The following PTPN23 variants were observed in gnomAD, a reference collection of about 807,000 sequenced individuals.
The protein encoded by PTPN23 is protein tyrosine phosphatase non-receptor type 23.
In PTPN23, 72 loss-of-function variants were observed where a neutral mutation model predicts 156.3. That is an observed-to-expected ratio of 0.46 (90% CI 0.38 to 0.56). The LOEUF is 0.56. Among genes scored for constraint, PTPN23 ranks in the 20% least tolerant of loss-of-function variants. The pLI is 0.00. For missense variants in PTPN23, 1,974 were observed against 2,171.5 expected (o/e 0.91, Z 1.81); for synonymous variants, 957 against 899.6 (o/e 1.06, Z -1.14).
chr3:47,386,202 T>C (rs1288026541), intron 1 of PTPN23, among the ~76,000 whole-genome samples: 1 of 152,010 alleles, frequency 6.6e-6, no homozygotes, highest in Non-Finnish European at 1.5e-5. Flanking sequence ...TCTCGCTCTG[T>C]CACCCAGGCT....
rs989204745 is a variant in PTPN23 at position 47,407,517 on chromosome 3, C to T, written c.936C>T (p.Ala312=). The T allele has an allele frequency of 1.9e-6, 3 of 1,613,886 alleles. No homozygotes were observed. In the African/African-American group the frequency reaches 4.0e-5, roughly 22 times the overall value. ...MDVIGGKYNS[A]KKDNDFIYHE... ...TCCTGATCCCCAGGTACAATTCTGC[C>T]AAGAAGGACAACGACTTCATTTACC... The change falls in exon 12 of 25, where the codon GCC becomes GCT. Residue 312 remains alanine (A), a synonymous_variant. Transcript: ENST00000265562. The surrounding 1 kb of genome is among the most constrained non-coding windows in gnomAD (Gnocchi z 4.0).
chr3:47,410,013 G>A lies in PTPN23; in HGVS notation c.2215G>A (p.Gly739Arg). ...GGAGGAGAGTGAGGCAGTGGAAGCA[G>A]GAGACCCCCCTGAGGAGCTGCGCAG... ...RREESEAVEAGDPPEELRSLP... is the reference protein window; with the variant it reads ...RREESEAVEARDPPEELRSLP... Residue 739 changes from glycine to arginine, a missense_variant, in exon 20 of 25, where the codon GGA becomes AGA. This residue lies in a region of PTPN23 where 731 missense variants were observed against 669.1 expected (regional missense o/e 1.09). Transcript: ENST00000265562. 2 of 1,608,338 alleles carry A rather than the reference G, an allele frequency of 1.2e-6. No homozygotes were observed. Among genetic ancestry groups the A allele is most frequent in the South Asian group, 2.2e-5 (2 of 90,160 alleles).
intron 2 of PTPN23, among the ~76,000 whole-genome samples, chr3:47,399,399 C>G (rs1193747353): frequency 6.6e-6 from 1 of 152,032 alleles, no homozygotes; most frequent in Non-Finnish European, 1.5e-5. Flanking sequence ...GTGGGGAGAC[C>G]AAGCTTCTTC....
Position 47,405,286 on chromosome 3 carries a change from C to T in PTPN23, c.364+205C>T. 1 of 598,054 alleles carries T rather than the reference C, an allele frequency of 1.7e-6. No homozygotes were observed. Among genetic ancestry groups the T allele is most frequent in the Non-Finnish European group, 3.0e-6 (1 of 335,436 alleles). 37.0% of individuals were successfully genotyped at this position (598,054 alleles called of 1,614,324 possible). A position where few individuals can be genotyped will look rare whatever the true frequency, so the allele number is the denominator to read the frequency against. On this transcript the variant is annotated intron_variant, in intron 4 of 24. Transcript: ENST00000265562. This position sits in a 1 kb window ranked among gnomAD's most constrained non-coding sequence, Gnocchi z 4.7. ...GGGGAGCCTCTGCTGGGGCGAGGCT[C>T]TACTGGGCTGGCTGCCACACAGAGT... is the stretch of plus-strand genomic sequence containing the variant.
Position 47,410,209 on chromosome 3 carries a change from A to AGCCCAGGG in PTPN23, c.2412_2419dup (p.Ala807GlyfsTer12), listed in dbSNP as rs1235039770. The AGCCCAGGG allele has an allele frequency of 6.2e-7, 1 of 1,610,332 alleles. No individual in the cohort carries two copies. The highest frequency in any genetic ancestry group is 1.3e-5 in the African/African-American group (1 of 74,856). On this transcript the variant is annotated frameshift_variant, in exon 20 of 25. Coordinates refer to ENST00000265562, the MANE Select transcript of PTPN23 (RefSeq NM_015466.4). LOFTEE classifies it high-confidence loss of function. ...TACTCGGGCCCCACCCAGCTGATAC[A>AGCCCAGGG]GCCCAGGGCCCCAGGGCCCCATGCA...
rs145105988 is a variant in PTPN23 at position 47,410,908 on chromosome 3, C to G, written c.3110C>G (p.Pro1037Arg). Reference sequence around the variant, plus strand: ...GCCCACTCAGGGGCTCTGCCTTTCCCCAGCCCTGGGCCCCCTCAGCCTCCC... The same window carrying G: ...GCCCACTCAGGGGCTCTGCCTTTCCGCAGCCCTGGGCCCCCTCAGCCTCCC... ...LPAHSGALPF[P>R]SPGPPQPPHP... Residue 1037 changes from proline (P) to arginine (R), a missense_variant, in exon 20 of 25, where the codon CCC (proline) becomes CGC (arginine). Physicochemically the swap from Pro to Arg is moderately radical, Grantham distance 103. Around this residue, in one of 4 missense-constraint regions of PTPN23, gnomAD observed 731 missense variants for 669.1 expected, o/e 1.09. Transcript: ENST00000265562. The G allele has an allele frequency of 2.6e-5, 42 of 1,611,946 alleles. No homozygotes were observed. Among genetic ancestry groups the G allele is most frequent in the Non-Finnish European group, 3.0e-5 (35 of 1,179,202 alleles).
intron 1 of PTPN23, among the ~76,000 whole-genome samples, chr3:47,392,504 G>A (rs1199283520): frequency 6.6e-6 from 1 of 152,118 alleles, no homozygotes; most frequent in African/African-American, 2.4e-5. Context: ...ACTTTTTGTA[G>A]TTGTGTTTTT....
At chr3:47,398,437 C>T (rs974331333) in intron 2 of PTPN23, among the ~76,000 whole-genome samples, 7 of 152,128 alleles carry the variant, frequency 4.6e-5, no homozygotes, top group South Asian at 4.1e-4. Context: ...AAAAAAGAAT[C>T]GAATGATGTC....
chr3:47,387,009 C>T (rs1704667346), intron 1 of PTPN23, among the ~76,000 whole-genome samples: 1 of 152,172 alleles, frequency 6.6e-6, no homozygotes. Context: ...GGAGAGGTAA[C>T]CTGAGTCTTC....
In PTPN23 at chr3:47,396,184, T is replaced by C; in HGVS notation, c.126T>C (p.Asn42=). 1 of 1,613,142 alleles carries C rather than the reference T, an allele frequency of 6.2e-7. No homozygotes were observed. Among genetic ancestry groups the C allele is most frequent in the South Asian group, 1.1e-5 (1 of 91,060 alleles). Reference sequence around the variant, plus strand: ...ATGGAGAGAACCCAGAAGCCTACAATGAAGAACTGAAGAAGCTGGAGTTGC... The same window carrying C: ...ATGGAGAGAACCCAGAAGCCTACAACGAAGAACTGAAGAAGCTGGAGTTGC... ...KNYGENPEAY[N]EELKKLELLR... is the part of the protein sequence containing the mutation. The change falls in exon 2 of 25, where the codon AAT becomes AAC. Residue 42 remains asparagine, a synonymous_variant. Coordinates refer to ENST00000265562, the MANE Select transcript of PTPN23 (RefSeq NM_015466.4).
At position 47,413,272 on chromosome 3, in the gene PTPN23, C is replaced by A; in HGVS notation, c.*87C>A. 1 of 1,497,442 alleles carries A rather than the reference C, an allele frequency of 6.7e-7. No homozygotes were observed. The highest frequency in any genetic ancestry group is 9.0e-7 in the Non-Finnish European group (1 of 1,105,426). The allele number at this position is 1,497,442 out of a possible 1,614,324, so 92.8% of individuals were successfully genotyped here. On this transcript the variant is annotated 3_prime_UTR_variant, in exon 25 of 25. Transcript: ENST00000265562. ...ACCCAGCAGAGCTTCTCAGTGGGCA[C>A]AGTCTCTTACTCCCATTTCTGCTGC...
chr3:47,405,186 T>C lies in PTPN23; in HGVS notation c.364+105T>C. ...GGCAGTGGGCTGATAAAGGGAGGAC[T>C]CCAGGATTCCCGCCCCTCCACTGAC... On this transcript the variant is annotated intron_variant, in intron 4 of 24. Coordinates refer to ENST00000265562, the MANE Select transcript of PTPN23 (RefSeq NM_015466.4). This position sits in a 1 kb window ranked among gnomAD's most constrained non-coding sequence, Gnocchi z 4.7. 9.4e-7 allele frequency: 1 copy of C among 1,059,364 alleles called. No homozygotes were observed. The allele number at this position is 1,059,364 out of a possible 1,614,324, so 65.6% of individuals were successfully genotyped here. A position where few individuals can be genotyped will look rare whatever the true frequency, so the allele number is the denominator to read the frequency against.
chr3:47,396,922 CCTGA>C (rs1704890986), intron 2 of PTPN23, among the ~76,000 whole-genome samples: 1 of 152,126 alleles, frequency 6.6e-6, no homozygotes, highest in Non-Finnish European at 1.5e-5. Flanking sequence ...AAAGTGAGAC[CCTGA>C]CTGTTTAGAA....
At chr3:47,381,383 G>A (rs888666093) in intron 1 of PTPN23, among the ~76,000 whole-genome samples, 10 of 152,186 alleles carry the variant, frequency 6.6e-5, no homozygotes, top group African/African-American at 2.4e-4. Context: ...ATAGCCCCGT[G>A]CTAGCACCTG....
In PTPN23 at chr3:47,406,797, T is replaced by C; in HGVS notation, c.807+47T>C. ...ACTGGGGACCAATGGCAGCCTTCAGTGAGATGCCGGTGTGCTCCCGCTCCT... is the reference window on the plus strand; with the variant it reads ...ACTGGGGACCAATGGCAGCCTTCAGCGAGATGCCGGTGTGCTCCCGCTCCT... On this transcript the variant is annotated intron_variant, in intron 9 of 24. Transcript: ENST00000265562. This position sits in a 1 kb window ranked among gnomAD's most constrained non-coding sequence, Gnocchi z 5.8. 1 of 1,608,384 alleles carries C rather than the reference T, an allele frequency of 6.2e-7. No homozygotes were observed. Among genetic ancestry groups the C allele is most frequent in the Non-Finnish European group, 8.5e-7 (1 of 1,176,974 alleles).
At position 47,411,372 on chromosome 3, in the gene PTPN23, G is replaced by C. The variant is rs754497239; in HGVS notation, c.3574G>C (p.Asp1192His). The change falls in exon 20 of 25, where the codon GAC (aspartate) becomes CAC (histidine). Residue 1192 changes from aspartate (D) to histidine (H), a missense_variant. Around this residue, in one of 4 missense-constraint regions of PTPN23, gnomAD observed 731 missense variants for 669.1 expected, o/e 1.09. Transcript: ENST00000265562. This position sits in a 1 kb window ranked among gnomAD's most constrained non-coding sequence, Gnocchi z 6.3. Reference protein sequence around the residue: ...RGQLGDVGALDTVWRELQDAQ... With the variant: ...RGQLGDVGALHTVWRELQDAQ... Reference sequence around the variant, plus strand: ...TCAGCTGGGGGATGTGGGAGCTCTGGACACTGTCTGGCGAGAGCTGCAAGA... The same window carrying C: ...TCAGCTGGGGGATGTGGGAGCTCTGCACACTGTCTGGCGAGAGCTGCAAGA... 7 of 1,613,014 alleles carry C rather than the reference G, an allele frequency of 4.3e-6. No individual in the cohort carries two copies. Among genetic ancestry groups the C allele is most frequent in the Non-Finnish European group, 5.9e-6 (7 of 1,180,026 alleles).
intron 2 of PTPN23, among the ~76,000 whole-genome samples, chr3:47,402,633 C>T (rs898065383): frequency 3.9e-5 from 6 of 152,180 alleles, no homozygotes; most frequent in South Asian, 2.1e-4. Context: ...TGTCATTCAG[C>T]GATAATCACG....
chr3:47,401,625 T>A (rs922203888), intron 2 of PTPN23, among the ~76,000 whole-genome samples: 9 of 152,218 alleles, frequency 5.9e-5, no homozygotes, highest in Non-Finnish European at 8.8e-5. Flanking sequence ...CTCTTAATTT[T>A]AAAAATGGAT....
rs751809435 is a variant in PTPN23 at position 47,411,681 on chromosome 3, GAGA to G, written c.3886_3888del (p.Lys1296del). On this transcript the variant is annotated inframe_deletion and splice_region_variant, in exon 20 of 25. Transcript: ENST00000265562. This position sits in a 1 kb window ranked among gnomAD's most constrained non-coding sequence, Gnocchi z 6.3. ...CATGCTGGTTTCTGAGGCTGAGATG[GAGA>G]AGGTGAGAAGAGGGGGTGGGTGCCC... The G allele has an allele frequency of 3.6e-4, 570 of 1,602,210 alleles. 3 individuals carry two copies. The highest frequency in any genetic ancestry group is 1.5e-4 in the Admixed American group (9 of 59,746).
Sources: gnomAD v4.1 joint callset for allele counts (sites outside exome capture counted in the v4.1 genomes callset) on GRCh38, gnomAD v4.1.1 for gene constraint, gnomAD v4.1.1 regional missense constraint, Gnocchi (gnomAD v3.1) non-coding constraint, MANE v1.5 for transcripts, NCBI Gene and HGNC (gene_info 2026-07-23, HGNC 2026-07-21) for gene names.